SYBU: variants seen among roughly 807,000 people sequenced by gnomAD.
The protein encoded by SYBU is GOLSYN A protein.
In SYBU, 21 loss-of-function variants were observed where a neutral mutation model predicts 35.9. The observed-to-expected ratio is 0.58, with a 90% CI of 0.41 to 0.84. The LOEUF is 0.84. Among genes scored for constraint, SYBU ranks in the 40% least tolerant of loss-of-function variants. The pLI, the probability that SYBU is intolerant of heterozygous loss-of-function variation, is 0.00. For missense variants in SYBU, 768 were observed against 848.2 expected, an observed-to-expected ratio of 0.91 and a Z score of 1.17; for synonymous variants, 319 against 324.3, an observed-to-expected ratio of 0.98 and a Z score of 0.18.
At chr8:109,638,580 T>C (rs1814496884) in intron 2 of SYBU, among the ~76,000 whole-genome samples, 1 of 152,288 alleles carries the variant, frequency 6.6e-6, no homozygotes, top group East Asian at 1.9e-4. Context: ...AGGTGTTTTG[T>C]TTCTATTAAC....
chr8:109,615,368 G>GT (rs2130303142), intron 3 of SYBU, among the ~76,000 whole-genome samples: 1 of 152,226 alleles, frequency 6.6e-6, no homozygotes, highest in South Asian at 2.1e-4. Context: ...ATCCTCTTGT[G>GT]TTTTAACAGA....
chr8:109,676,506 CAAATT>C (rs1285341639), intron 1 of SYBU, among the ~76,000 whole-genome samples: 1 of 152,132 alleles, frequency 6.6e-6, no homozygotes, highest in Non-Finnish European at 1.5e-5. Flanking sequence ...CTGTCATTAT[CAAATT>C]AAGTTATCAT....
intron 2 of SYBU, among the ~76,000 whole-genome samples, chr8:109,625,372 C>T (rs1040207478): frequency 6.6e-6 from 1 of 152,140 alleles, no homozygotes; most frequent in East Asian, 1.9e-4. Context: ...TTCTTGAAAA[C>T]ATTATTTTAA....
At chr8:109,643,731 A>G (rs949221157) in intron 1 of SYBU, 1 of 166,094 alleles carries the variant, frequency 6.0e-6, no homozygotes, top group African/African-American at 2.4e-5. Flanking sequence ...TTTTCCAACC[A>G]TTTTCTCATT....
intron 2 of SYBU, among the ~76,000 whole-genome samples, chr8:109,641,609 A>C (rs1814887267): frequency 6.6e-6 from 1 of 152,244 alleles, no homozygotes; most frequent in Non-Finnish European, 1.5e-5. Context: ...GGCCAGCCTT[A>C]GGCTATAACT....
intron 4 of SYBU, among the ~76,000 whole-genome samples, chr8:109,585,503 G>A (rs1315959555): frequency 5.3e-5 from 8 of 152,194 alleles, no homozygotes; most frequent in African/African-American, 1.9e-4. Context: ...AGCCAAGGCA[G>A]CCTGGTTTCA....
At chr8:109,688,717 A>T (rs1411502547) in intron 1 of SYBU, among the ~76,000 whole-genome samples, 1 of 151,806 alleles carries the variant, frequency 6.6e-6, no homozygotes, top group Non-Finnish European at 1.5e-5. Flanking sequence ...ACCACAGAAA[A>T]CATCCTGCTA....
At chr8:109,595,493 T>G (rs2129931744) in intron 3 of SYBU, among the ~76,000 whole-genome samples, 1 of 152,314 alleles carries the variant, frequency 6.6e-6, no homozygotes, top group African/African-American at 2.4e-5. Flanking sequence ...GTTCTCCAGC[T>G]TTTTGCTAGC....
intron 1 of SYBU, among the ~76,000 whole-genome samples, chr8:109,677,145 A>G (rs1817221521): frequency 6.6e-6 from 1 of 152,082 alleles, no homozygotes; most frequent in South Asian, 2.1e-4. Flanking sequence ...AAGATTTGTG[A>G]GAGACCTTTA....
At chr8:109,639,841 T>A (rs1814658917) in intron 2 of SYBU, among the ~76,000 whole-genome samples, 1 of 152,184 alleles carries the variant, frequency 6.6e-6, no homozygotes, top group Admixed American at 6.6e-5. Flanking sequence ...ACACTCCCTG[T>A]AGTACCAAAC....
chr8:109,625,276 A>G (rs1348762441), intron 2 of SYBU, among the ~76,000 whole-genome samples: 1 of 152,248 alleles, frequency 6.6e-6, no homozygotes, highest in Admixed American at 6.5e-5. Context: ...AATCTAGATA[A>G]GTGGGTAATA....
chr8:109,638,939 A>G lies in SYBU; in HGVS notation c.229+3789T>C, dbSNP rs1814545140. On this transcript the variant is annotated intron_variant, in intron 2 of 6. Coordinates refer to ENST00000276646, the MANE Select transcript of SYBU (RefSeq NM_001099754.2). ...AATGAATTGCAAAAGGTCACACACA[A>G]CTTCTTCCCTCTGAAATGAGGCAGA... 2.6e-5 allele frequency among the ~76,000 whole-genome samples: 4 copies of G among 152,238 alleles called. No individual in the cohort carries two copies. The South Asian group carries it at 8.3e-4, about 31-fold the overall frequency.
At chr8:109,673,992 A>C (rs1388918579) in intron 1 of SYBU, among the ~76,000 whole-genome samples, 1 of 152,216 alleles carries the variant, frequency 6.6e-6, no homozygotes, top group Non-Finnish European at 1.5e-5. Context: ...AAAAGAATGA[A>C]AAGGAACAAA....
At position 109,642,753 on chromosome 8, in the gene SYBU, G is replaced by C. The variant is rs1262053423; in HGVS notation, c.204C>G (p.Thr68=). Residue 68 remains threonine, a synonymous_variant, in exon 2 of 7, where the codon ACC becomes ACG. Transcript: ENST00000276646. ...CTGAGCAGAAGCTGTTGCTGCTAACGGTCCTCGCTGAGCGCCCAGAGCTGC... is the reference window on the plus strand; with the variant it reads ...CTGAGCAGAAGCTGTTGCTGCTAACCGTCCTCGCTGAGCGCCCAGAGCTGC... ...NPSSSGRSAR[T]VSSNSFCSDD... is the part of the protein sequence containing the mutation. 2 of 1,608,630 alleles carry C rather than the reference G, an allele frequency of 1.2e-6. No homozygotes were observed. The highest frequency in any genetic ancestry group is 1.7e-5 in the Admixed American group (1 of 59,012).
chr8:109,635,739 G>T (rs891393254), intron 2 of SYBU, among the ~76,000 whole-genome samples: 1 of 152,074 alleles, frequency 6.6e-6, no homozygotes, highest in Non-Finnish European at 1.5e-5. Context: ...CACTTAGACT[G>T]CAGCAGTGTC....
chr8:109,671,142 C>A (rs1816965150), intron 1 of SYBU, among the ~76,000 whole-genome samples: 1 of 152,052 alleles, frequency 6.6e-6, no homozygotes, highest in Non-Finnish European at 1.5e-5. Flanking sequence ...CATAATAATT[C>A]TTTCAGAAAG....
At chr8:109,675,286 G>T (rs2130773070) in intron 1 of SYBU, among the ~76,000 whole-genome samples, 1 of 152,248 alleles carries the variant, frequency 6.6e-6, no homozygotes, top group African/African-American at 2.4e-5. Flanking sequence ...AAATAACTAA[G>T]ATCAGAGCAG....
chr8:109,593,814 C>A (rs1336907851), intron 3 of SYBU, among the ~76,000 whole-genome samples: 2 of 152,204 alleles, frequency 1.3e-5, no homozygotes, highest in Admixed American at 1.3e-4. Context: ...CAGTGGCAGG[C>A]ATGTCCAACG....
chr8:109,663,965 G>A (rs1256087692), intron 1 of SYBU, among the ~76,000 whole-genome samples: 1 of 152,030 alleles, frequency 6.6e-6, no homozygotes, highest in Non-Finnish European at 1.5e-5. Flanking sequence ...CTATTAACAG[G>A]ACTAATACAA....
Sources: gnomAD v4.1 joint callset for allele counts (sites outside exome capture counted in the v4.1 genomes callset) on GRCh38, gnomAD v4.1.1 for gene constraint, MANE v1.5 for transcripts, NCBI Gene and HGNC (gene_info 2026-07-23, HGNC 2026-07-21) for gene names.